SHC3: variants seen among roughly 807,000 people sequenced by gnomAD.
SHC3 encodes the protein SHC adaptor protein 3.
Under a neutral mutation model 60.4 loss-of-function variants are expected in SHC3, and 15 were observed. That is an observed-to-expected ratio of 0.25 (90% CI 0.17 to 0.38). The LOEUF (loss-of-function observed/expected upper bound fraction) is 0.38. Ranked by LOEUF, SHC3 falls within the 10% of genes least tolerant of loss-of-function variation. The pLI is 1.00. For synonymous variants in SHC3, 294 were observed against 325.9 expected (o/e 0.90, Z 1.05); for missense variants, 677 against 786.1 (o/e 0.86, Z 1.66).
At position 89,043,905 on chromosome 9, in the gene SHC3, C is replaced by G. The variant is rs536730490; in HGVS notation, c.1202-1721G>C. ...CTGACCTCAGATGATCCACCCGCCT[C>G]GGCTTCCCAAAGTGCTGGAATTACA... is the stretch of plus-strand genomic sequence containing the variant. On this transcript the variant is annotated intron_variant, in intron 9 of 11. Coordinates refer to ENST00000375835, the MANE Select transcript of SHC3 (RefSeq NM_016848.6). 3.3e-5 allele frequency among the ~76,000 whole-genome samples: 5 copies of G among 152,238 alleles called. No homozygotes were observed. In the South Asian group the frequency reaches 1.0e-3, roughly 32 times the overall value.
chr9:89,122,959 G>A (rs1291385804), intron 1 of SHC3, among the ~76,000 whole-genome samples: 1 of 152,226 alleles, frequency 6.6e-6, no homozygotes, highest in Non-Finnish European at 1.5e-5. Context: ...GGAGGCAGGA[G>A]GCAAGGCTCA....
intron 2 of SHC3, among the ~76,000 whole-genome samples, chr9:89,105,875 C>A (rs1035786819): frequency 1.3e-5 from 2 of 152,126 alleles, no homozygotes; most frequent in African/African-American, 4.8e-5. Context: ...AAAAAACACC[C>A]TGGAATGAAT....
intron 8 of SHC3, 41 bp from the exon 9 acceptor site, chr9:89,045,874 T>A: frequency 6.3e-7 from 1 of 1,594,608 alleles, no homozygotes; most frequent in Non-Finnish European, 8.6e-7. Context: ...AAAATTATTT[T>A]CTTCTCATTT....
chr9:89,065,667 TAGA>T, intron 5 of SHC3, 87 bp from the exon 6 acceptor site: 1 of 1,319,314 alleles, frequency 7.6e-7, no homozygotes, highest in Non-Finnish European at 1.1e-6. Context: ...CCAGTGAGCT[TAGA>T]AGGACTCAAC....
At chr9:89,026,768 C>G (rs1826313009) in intron 11 of SHC3, among the ~76,000 whole-genome samples, 1 of 152,224 alleles carries the variant, frequency 6.6e-6, no homozygotes, top group Admixed American at 6.5e-5. Flanking sequence ...CCTGGGCGAG[C>G]ACTCACTTTC....
chr9:89,038,403 A>T, intron 10 of SHC3, 115 bp from the exon 11 acceptor site: 1 of 1,153,332 alleles, frequency 8.7e-7, no homozygotes, highest in Middle Eastern at 2.5e-4. Context: ...CTCCTCCAGA[A>T]GGGGAAAACA....
intron 6 of SHC3, among the ~76,000 whole-genome samples, chr9:89,060,333 C>A (rs4877045): frequency 6.6e-6 from 1 of 151,274 alleles, no homozygotes; most frequent in Non-Finnish European, 1.5e-5. Flanking sequence ...GTAGGACAGT[C>A]GTGGAGGACA....
chr9:89,170,450 A>T (rs1274150488), intron 1 of SHC3, among the ~76,000 whole-genome samples: 1 of 152,222 alleles, frequency 6.6e-6, no homozygotes, highest in Non-Finnish European at 1.5e-5. Context: ...GTTCAGGACC[A>T]GTCTGGGCAG....
intron 4 of SHC3, 22 bp downstream of exon 4, chr9:89,075,087 G>A (rs780696086): frequency 6.2e-7 from 1 of 1,611,958 alleles, no homozygotes; most frequent in East Asian, 2.2e-5. Context: ...GGCAGGGACA[G>A]GGGATCTGAG....
chr9:89,044,741 G>T (rs1824743403), intron 9 of SHC3, among the ~76,000 whole-genome samples: 1 of 151,538 alleles, frequency 6.6e-6, no homozygotes. Flanking sequence ...TTACTTCTTA[G>T]ATAGTTGTAT....
chr9:89,033,088 C>T (rs1005021657), intron 11 of SHC3, among the ~76,000 whole-genome samples: 1 of 150,562 alleles, frequency 6.6e-6, no homozygotes. Context: ...ACAAGTTCCT[C>T]CTCCAAAATT....
intron 6 of SHC3, among the ~76,000 whole-genome samples, chr9:89,058,365 G>A (rs1340781634): frequency 6.6e-6 from 1 of 151,126 alleles, no homozygotes; most frequent in African/African-American, 2.4e-5. Flanking sequence ...GTAGGACGTG[G>A]TGGAGGATGG....
chr9:89,038,144 C>T lies in SHC3; in HGVS notation c.1505G>A (p.Gly502Glu), dbSNP rs1396492296. 1.2e-6 allele frequency: 2 copies of T among 1,613,988 alleles called. No homozygotes were observed. The highest frequency in any genetic ancestry group is 8.5e-7 in the Non-Finnish European group (1 of 1,180,026). The change falls in exon 11 of 12, where the codon GGA (glycine) becomes GAA (glutamate). Residue 502 changes from glycine to glutamate, a missense_variant. Gly to Glu is a moderately conservative substitution (Grantham distance 98). Coordinates refer to ENST00000375835, the MANE Select transcript of SHC3 (RefSeq NM_016848.6). Reference protein sequence around the residue: ...EELQAETWYQGEMSRKEAEGL... With the variant: ...EELQAETWYQEEMSRKEAEGL... ...CTCTGCCTCCTTCCTGCTCATCTCT[C>T]CTTGGTACCAAGTCTCGGCTTGCAG...
intron 11 of SHC3, 33 bp from the exon 12 acceptor site, chr9:89,013,608 T>A: frequency 6.3e-7 from 1 of 1,595,756 alleles, no homozygotes; most frequent in Non-Finnish European, 8.5e-7. Context: ...GTTAAGCACA[T>A]CTCACAGGCA....
chr9:89,123,914 A>G (rs889226516), intron 1 of SHC3, among the ~76,000 whole-genome samples: 1 of 152,176 alleles, frequency 6.6e-6, no homozygotes, highest in African/African-American at 2.4e-5. Context: ...TGAACATTTT[A>G]TTGTTAGTAT....
At position 89,177,999 on chromosome 9, in the gene SHC3, G is replaced by A; in HGVS notation, c.462C>T (p.Thr154=). Residue 154 remains threonine, a synonymous_variant, in exon 1 of 12, where the codon ACC becomes ACT. Coordinates refer to ENST00000375835, the MANE Select transcript of SHC3 (RefSeq NM_016848.6). ...ASDQVLGPGV[T]YVVKYLGCIE... is the part of the protein sequence containing the mutation. ...CGCCCGCACCCACCTTGACCACGTAGGTGACTCCGGGCCCCAGCACCTGGT... is the reference window on the plus strand; with the variant it reads ...CGCCCGCACCCACCTTGACCACGTAAGTGACTCCGGGCCCCAGCACCTGGT... 1 of 1,234,044 alleles carries A rather than the reference G, an allele frequency of 8.1e-7. No individual in the cohort carries two copies. The highest frequency in any genetic ancestry group is 1.0e-6 in the Non-Finnish European group (1 of 989,804). The allele number at this position is 1,234,044 out of a possible 1,614,324, so 76.4% of individuals were successfully genotyped here.
rs1294083325 is a variant in SHC3 at position 89,045,851 on chromosome 9, T to C, written c.1114-18A>G. Reference sequence around the variant, plus strand: ...CCTGCAAACTATAGACACATGTAAATACACAGAATGAAAAAATTATTTTCT... The same window carrying C: ...CCTGCAAACTATAGACACATGTAAACACACAGAATGAAAAAATTATTTTCT... On this transcript the variant is annotated intron_variant, in intron 8 of 11. Transcript: ENST00000375835. The C allele has an allele frequency of 1.2e-6, 2 of 1,609,632 alleles. No homozygotes were observed. The highest frequency in any genetic ancestry group is 2.7e-5 in the African/African-American group (2 of 74,912).
At chr9:89,113,308 G>A in intron 1 of SHC3, among the ~76,000 whole-genome samples, 1 of 152,092 alleles carries the variant, frequency 6.6e-6, no homozygotes, top group East Asian at 1.9e-4. Flanking sequence ...TATGGATAAA[G>A]AGCTAGATCC....
intron 2 of SHC3, chr9:89,109,415 T>G: frequency 1.0e-6 from 1 of 984,448 alleles, no homozygotes; most frequent in Non-Finnish European, 1.2e-6. Flanking sequence ...TGGGACGGAA[T>G]GTACATGGAT....
Sources: allele counts gnomAD v4.1 joint callset (sites outside exome capture counted in the v4.1 genomes callset), GRCh38; gene constraint gnomAD v4.1.1; transcripts MANE v1.5; gene names NCBI Gene and HGNC (gene_info 2026-07-23, HGNC 2026-07-21).